The following DUSP14 variants were observed in gnomAD, a reference collection of about 807,000 sequenced individuals.
DUSP14 encodes dual specificity protein phosphatase 14.
In DUSP14, 5 loss-of-function variants were observed where a neutral mutation model predicts 13.2. That is an observed-to-expected ratio of 0.38 (90% CI 0.20 to 0.80). DUSP14 has a LOEUF of 0.80. Ranked by LOEUF, DUSP14 falls within the 30% of genes least tolerant of loss-of-function variation. The pLI, the probability that DUSP14 is intolerant of heterozygous loss-of-function variation, is 0.44. For synonymous variants in DUSP14, 91 were observed against 103.4 expected (o/e 0.88, Z 0.73); for missense variants, 185 against 264.0 (o/e 0.70, Z 2.07).
intron 1 of DUSP14, among the ~76,000 whole-genome samples, chr17:37,497,210 T>C (rs1296610934): frequency 4.6e-5 from 7 of 151,870 alleles, no homozygotes; most frequent in Admixed American, 2.0e-4. Flanking sequence ...TGGCACAATC[T>C]CAGCTCACTG....
At position 37,497,171 on chromosome 17, in the gene DUSP14, CAG is replaced by C. The variant is rs1032178627; in HGVS notation, c.-181+7216_-181+7217del. Among the ~76,000 whole-genome samples, 19 of 151,036 alleles carry C rather than the reference CAG, an allele frequency of 1.3e-4. 1 individual carries two copies. Among genetic ancestry groups the C allele is most frequent in the African/African-American group, 3.9e-4 (16 of 41,134 alleles). The stretch of plus-strand genomic sequence containing the variant: ...AAACTGCATTTTTTTTTTTTAAAGA[CAG>C]AGTCTCTTCCCCAGGCTGGAGTTCA... On this transcript the variant is annotated intron_variant, in intron 1 of 2. Transcript: ENST00000617516.
At chr17:37,505,627 G>A (rs1285591266) in intron 1 of DUSP14, among the ~76,000 whole-genome samples, 1 of 147,672 alleles carries the variant, frequency 6.8e-6, no homozygotes, top group Non-Finnish European at 1.5e-5. Context: ...GATTCTGGTG[G>A]TTGTCATCTT....
rs182617988 is a variant in DUSP14, at chr17:37,495,733, C to T, written c.-181+5775C>T. 3.3e-5 allele frequency among the ~76,000 whole-genome samples: 5 copies of T among 151,830 alleles called. No individual in the cohort carries two copies. The East Asian group carries it at 7.8e-4, about 24-fold the overall frequency. ...GGAGTGCAGTGGCGCGATCTCGGCT[C>T]ACTGCAACCTCCGCTTCCCAGGTTC... On this transcript the variant is annotated intron_variant, in intron 1 of 2. Transcript: ENST00000617516.
chr17:37,507,781 G>A (rs1012922098), intron 1 of DUSP14, among the ~76,000 whole-genome samples: 2 of 152,094 alleles, frequency 1.3e-5, no homozygotes, highest in African/African-American at 4.8e-5. Context: ...AACCTACTTG[G>A]AAATTTGATT....
At chr17:37,509,242 ACTATATATATATATATATATATAT>A (rs1329051707) in intron 1 of DUSP14, among the ~76,000 whole-genome samples, 6 of 43,954 alleles carry the variant, frequency 1.4e-4, no homozygotes, top group African/African-American at 5.4e-4. Context: ...CTATATACAC[ACTATATATATATATATATATATAT>A]ATATATATAT....
upstream of DUSP14, chr17:37,489,722 G>C (rs2054012054): frequency 6.6e-6 from 1 of 151,306 alleles, no homozygotes; most frequent in Admixed American, 6.6e-5. Context: ...ACACCGCACG[G>C]CGCAGAAGCC....
intron 1 of DUSP14, among the ~76,000 whole-genome samples, chr17:37,495,434 GT>G (rs1395330756): frequency 9.2e-5 from 14 of 152,206 alleles, no homozygotes; most frequent in African/African-American, 3.4e-4. Context: ...TCCCAGAACA[GT>G]TTCAGCATCA....
intron 1 of DUSP14, among the ~76,000 whole-genome samples, chr17:37,507,181 G>C (rs1406019600): frequency 6.6e-6 from 1 of 152,184 alleles, no homozygotes; most frequent in African/African-American, 2.4e-5. Flanking sequence ...TATAGCATCT[G>C]TGCCCTCTAC....
intron 1 of DUSP14, among the ~76,000 whole-genome samples, chr17:37,504,526 G>GT (rs1427511667): frequency 6.6e-6 from 1 of 152,220 alleles, no homozygotes; most frequent in Admixed American, 6.5e-5. Context: ...ATGTTGAGAT[G>GT]TTTTACCACA....
intron 1 of DUSP14, among the ~76,000 whole-genome samples, chr17:37,492,635 A>C (rs1349400549): frequency 1.3e-5 from 2 of 152,230 alleles, no homozygotes; most frequent in African/African-American, 4.8e-5. Flanking sequence ...ACATTCAGAG[A>C]GAGTTGGCCA....
chr17:37,494,556 C>T (rs554103165), intron 1 of DUSP14, among the ~76,000 whole-genome samples: 27 of 152,084 alleles, frequency 1.8e-4, no homozygotes, highest in African/African-American at 5.5e-4. Flanking sequence ...TTTGATTGCC[C>T]GTGTTTAGTT....
intron 1 of DUSP14, among the ~76,000 whole-genome samples, chr17:37,500,106 T>G (rs1010116718): frequency 6.6e-6 from 1 of 152,258 alleles, no homozygotes; most frequent in African/African-American, 2.4e-5. Flanking sequence ...AGCAGAAGAC[T>G]CAGCTGTTTA....
chr17:37,499,526 TTTGTTTG>T (rs2054091252), intron 1 of DUSP14, among the ~76,000 whole-genome samples: 1 of 151,478 alleles, frequency 6.6e-6, no homozygotes. Context: ...TTTTTGTTTG[TTTGTTTG>T]TTTTTTGTTT....
At chr17:37,502,347 A>AT (rs916192784) in intron 1 of DUSP14, among the ~76,000 whole-genome samples, 20,938 of 139,948 alleles carry the variant, frequency 0.15, 2,083 homozygotes, top group East Asian at 0.54. Flanking sequence ...ATGCCCAGCA[A>AT]TTTTTTTTTT....
At position 37,512,827 on chromosome 17, in the gene DUSP14, T is replaced by C. The variant is rs2054200395; in HGVS notation, c.555T>C (p.Tyr185=). Residue 185 remains tyrosine (Y), a synonymous_variant, in exon 3 of 3, where the codon TAT becomes TAC. Transcript: ENST00000617516. This position sits in a 1 kb window ranked among gnomAD's most constrained non-coding sequence, Gnocchi z 4.8. Reference sequence around the variant, plus strand: ...CTTATGGCATAGTTCCCGACGTCTATGAGAAGGAGTCCCGACACCTGATGC... The same window carrying C: ...CTTATGGCATAGTTCCCGACGTCTACGAGAAGGAGTCCCGACACCTGATGC... The part of the protein sequence containing the change: ...QTPYGIVPDV[Y]EKESRHLMPY... 6.2e-7 allele frequency: 1 copy of C among 1,610,630 alleles called. No homozygotes were observed. Among genetic ancestry groups the C allele is most frequent in the Admixed American group, 1.7e-5 (1 of 59,962 alleles).
intron 1 of DUSP14, among the ~76,000 whole-genome samples, chr17:37,505,714 C>A (rs920894150): frequency 1.3e-5 from 2 of 151,086 alleles, no homozygotes; most frequent in Admixed American, 6.6e-5. Flanking sequence ...TAGGCCATGA[C>A]CCCATGTAGC....
chr17:37,494,208 T>A (rs1287876343), intron 1 of DUSP14, among the ~76,000 whole-genome samples: 1 of 152,124 alleles, frequency 6.6e-6, no homozygotes. Flanking sequence ...TTAGTCAGAA[T>A]GGTCTTAATC....
chr17:37,493,754 G>C (rs568758026), intron 1 of DUSP14, among the ~76,000 whole-genome samples: 73 of 150,888 alleles, frequency 4.8e-4, no homozygotes, highest in African/African-American at 1.6e-3. Flanking sequence ...TAAGTGGCTA[G>C]TACCTAGATG....
rs766565339 is a variant in DUSP14, at chr17:37,512,826, A to G, written c.554A>G (p.Tyr185Cys). The G allele has an allele frequency of 6.8e-6, 11 of 1,610,888 alleles. No homozygotes were observed. In the Admixed American group the frequency reaches 1.2e-4, roughly 17 times the overall value. ...CCTTATGGCATAGTTCCCGACGTCT[A>G]TGAGAAGGAGTCCCGACACCTGATG... Reference protein sequence around the residue: ...QTPYGIVPDVYEKESRHLMPY... With the variant: ...QTPYGIVPDVCEKESRHLMPY... Residue 185 changes from tyrosine to cysteine, a missense_variant, in exon 3 of 3, where the codon TAT becomes TGT. Transcript: ENST00000617516. This position sits in a 1 kb window ranked among gnomAD's most constrained non-coding sequence, Gnocchi z 4.8.
Sources: gnomAD v4.1 joint callset for allele counts (sites outside exome capture counted in the v4.1 genomes callset) on GRCh38, gnomAD v4.1.1 for gene constraint, Gnocchi (gnomAD v3.1) non-coding constraint, MANE v1.5 for transcripts, NCBI Gene and HGNC (gene_info 2026-07-23, HGNC 2026-07-21) for gene names.